The following CSMD1 variants were observed in gnomAD, a reference collection of about 807,000 sequenced individuals.
The protein encoded by CSMD1 is CUB and Sushi multiple domains 1, also known as CUB and sushi domain-containing protein 1.
A neutral mutation model predicts 417.5 loss-of-function variants in CSMD1; 213 were observed. That is an observed-to-expected ratio of 0.51 (90% CI 0.46 to 0.57). The LOEUF is 0.57. CSMD1 is among the 20% of genes least tolerant of loss of function. The pLI, the probability that CSMD1 is intolerant of heterozygous loss-of-function variation, is 0.00. For missense variants in CSMD1, 6,923 were observed against 4,529.7 expected, an observed-to-expected ratio of 1.53 and a Z score of -15.17; for synonymous variants, 2,862 against 1,736.8, an observed-to-expected ratio of 1.65 and a Z score of -16.11.
intron 1 of CSMD1, among the ~76,000 whole-genome samples, chr8:4,805,943 C>T (rs2028223): frequency 0.29 from 44,634 of 151,964 alleles, 7,468 homozygotes; most frequent in East Asian, 0.42. Flanking sequence ...AAACCTGAGC[C>T]TTTGCTAGAC....
At chr8:4,463,156 T>C (rs551094896) in intron 2 of CSMD1, among the ~76,000 whole-genome samples, 1 of 152,244 alleles carries the variant, frequency 6.6e-6, no homozygotes, top group African/African-American at 2.4e-5. Context: ...CCAAAGAAGA[T>C]ACACAAATGG....
intron 11 of CSMD1, among the ~76,000 whole-genome samples, chr8:3,486,431 AAAAC>A (rs1207914885): frequency 1.3e-5 from 2 of 152,230 alleles, no homozygotes; most frequent in Non-Finnish European, 2.9e-5. Context: ...TTTGAGATGA[AAAAC>A]AAACAATAAA....
chr8:3,562,059 G>A (rs1418972087), intron 10 of CSMD1, among the ~76,000 whole-genome samples: 2 of 151,888 alleles, frequency 1.3e-5, no homozygotes, highest in African/African-American at 4.8e-5. Flanking sequence ...AAAACACTCT[G>A]CAGGTTTAGA....
At chr8:4,806,497 G>A (rs757036948) in intron 1 of CSMD1, among the ~76,000 whole-genome samples, 1 of 152,142 alleles carries the variant, frequency 6.6e-6, no homozygotes, top group African/African-American at 2.4e-5. Context: ...AGTTTACATT[G>A]CATTCACTTC....
chr8:3,711,500 G>A lies in CSMD1; in HGVS notation c.932-3009C>T, dbSNP rs186383417. Reference sequence around the variant, plus strand: ...CTGGTTCATGAACGTCCTGCACTACGGAACTCTCAGAGAGGGACTTGCTCT... The same window carrying A: ...CTGGTTCATGAACGTCCTGCACTACAGAACTCTCAGAGAGGGACTTGCTCT... On this transcript the variant is annotated intron_variant, in intron 6 of 69. Coordinates refer to ENST00000635120, the MANE Select transcript of CSMD1 (RefSeq NM_033225.6). Among the ~76,000 whole-genome samples, 9 of 152,268 alleles carry A rather than the reference G, an allele frequency of 5.9e-5. No homozygotes were observed. In the South Asian group the frequency reaches 8.3e-4, roughly 14 times the overall value.
intron 2 of CSMD1, among the ~76,000 whole-genome samples, chr8:4,480,057 G>T (rs1252833350): frequency 6.6e-6 from 1 of 151,818 alleles, no homozygotes; most frequent in Non-Finnish European, 1.5e-5. Flanking sequence ...GAATGTGGTC[G>T]TGAGTTCTGT....
chr8:4,782,636 T>A (rs1797211006), intron 1 of CSMD1, among the ~76,000 whole-genome samples: 1 of 152,180 alleles, frequency 6.6e-6, no homozygotes, highest in African/African-American at 2.4e-5. Context: ...AGCTATTTTT[T>A]ACTGTATATT....
intron 5 of CSMD1, among the ~76,000 whole-genome samples, chr8:3,761,500 ATTTTTT>A (rs57655479): frequency 8.6e-5 from 8 of 93,398 alleles, no homozygotes; most frequent in African/African-American, 3.2e-4. Flanking sequence ...CAAAACGACC[ATTTTTT>A]TTTTTTTTTT....
Position 3,780,510 on chromosome 8 carries a change from A to T in CSMD1, c.819-26468T>A, listed in dbSNP as rs184792853. 3.4e-3 allele frequency among the ~76,000 whole-genome samples: 521 copies of T among 152,272 alleles called. 10 individuals carry two copies. The highest frequency in any genetic ancestry group is 0.031 in the Admixed American group (471 of 15,292). ...TATCAGTAACCATTCCATCAAGTCA[A>T]TTTTTGTGGTACTACTGAATTGGAT... is the stretch of plus-strand genomic sequence containing the variant. On this transcript the variant is annotated intron_variant, in intron 5 of 69. Transcript: ENST00000635120.
chr8:3,735,187 C>T (rs973904698), intron 6 of CSMD1, among the ~76,000 whole-genome samples: 2 of 152,310 alleles, frequency 1.3e-5, no homozygotes, highest in South Asian at 4.1e-4. Flanking sequence ...ATCAGGCACA[C>T]GGTAACGGGC....
intron 12 of CSMD1, among the ~76,000 whole-genome samples, chr8:3,444,136 T>A (rs958038548): frequency 2.0e-5 from 3 of 152,074 alleles, no homozygotes; most frequent in Admixed American, 6.6e-5. Flanking sequence ...GAACAAGAAA[T>A]CAAGCAGTGA....
At chr8:4,338,679 C>G (rs555073866) in intron 3 of CSMD1, among the ~76,000 whole-genome samples, 1 of 152,070 alleles carries the variant, frequency 6.6e-6, no homozygotes, top group Non-Finnish European at 1.5e-5. Context: ...GAAATAGAAG[C>G]CACAATTCCA....
chr8:3,514,979 T>A, intron 10 of CSMD1, among the ~76,000 whole-genome samples: 1 of 152,214 alleles, frequency 6.6e-6, no homozygotes, highest in East Asian at 1.9e-4. Flanking sequence ...AAGTGCCTTT[T>A]AAAAACAACA....
intron 6 of CSMD1, among the ~76,000 whole-genome samples, chr8:3,737,559 G>C (rs1216297968): frequency 6.6e-6 from 1 of 152,150 alleles, no homozygotes; most frequent in Non-Finnish European, 1.5e-5. Context: ...CTTGCACAGA[G>C]TAGCATATAT....
intron 7 of CSMD1, among the ~76,000 whole-genome samples, chr8:3,657,778 G>A (rs1798204846): frequency 6.6e-6 from 1 of 151,998 alleles, no homozygotes; most frequent in South Asian, 2.1e-4. Context: ...AAACCACCAT[G>A]GCACGTGTAT....
At chr8:4,331,792 T>C (rs1799883486) in intron 3 of CSMD1, among the ~76,000 whole-genome samples, 1 of 152,204 alleles carries the variant, frequency 6.6e-6, no homozygotes, top group Non-Finnish European at 1.5e-5. Flanking sequence ...TTTTTGTATT[T>C]GACTCACAGT....
intron 11 of CSMD1, among the ~76,000 whole-genome samples, chr8:3,482,012 C>A (rs1288177969): frequency 6.6e-6 from 1 of 152,108 alleles, no homozygotes; most frequent in Non-Finnish European, 1.5e-5. Context: ...ATGCCCAGAA[C>A]AACCACTTTG....
intron 2 of CSMD1, among the ~76,000 whole-genome samples, chr8:4,495,669 G>C (rs989601559): frequency 6.6e-6 from 1 of 152,110 alleles, no homozygotes; most frequent in African/African-American, 2.4e-5. Flanking sequence ...AAAAATGTAA[G>C]TAAAATACTA....
intron 18 of CSMD1, among the ~76,000 whole-genome samples, chr8:3,369,939 T>C (rs1809843068): frequency 6.6e-6 from 1 of 152,174 alleles, no homozygotes. Context: ...CTCTCAATCC[T>C]TTACATTTCT....
Sources: gnomAD v4.1 joint callset for allele counts (sites outside exome capture counted in the v4.1 genomes callset) on GRCh38, gnomAD v4.1.1 for gene constraint, MANE v1.5 for transcripts, NCBI Gene and HGNC (gene_info 2026-07-23, HGNC 2026-07-21) for gene names.